BDP1: variants seen among roughly 807,000 people sequenced by gnomAD.
BDP1 encodes the protein BDP1 general transcription factor IIIB subunit.
In BDP1, 169 loss-of-function variants were observed where a neutral mutation model predicts 266.6. That is an observed-to-expected ratio of 0.63 (90% CI 0.56 to 0.72). The LOEUF is 0.72. BDP1 is among the 30% of genes least tolerant of loss of function. BDP1 has a pLI of 0.00. For synonymous variants in BDP1, 1,090 were observed against 1,022.4 expected, an observed-to-expected ratio of 1.07 and a Z score of -1.26; for missense variants, 3,015 against 3,053.8, an observed-to-expected ratio of 0.99 and a Z score of 0.30.
intron 7 of BDP1, among the ~76,000 whole-genome samples, chr5:71,480,808 C>G (rs988813008): frequency 6.6e-6 from 1 of 152,152 alleles, no homozygotes; most frequent in South Asian, 2.1e-4. Context: ...AAGTGATCCA[C>G]TCACCTCAGC....
intron 14 of BDP1, 114 bp from the exon 15 acceptor site, chr5:71,502,483 CTT>C: frequency 9.8e-7 from 1 of 1,017,572 alleles, no homozygotes; most frequent in Non-Finnish European, 1.4e-6. Context: ...CGGATTATGT[CTT>C]TTCAGGAAAC....
At chr5:71,466,980 T>C (rs763932424) in intron 5 of BDP1, among the ~76,000 whole-genome samples, 4 of 152,196 alleles carry the variant, frequency 2.6e-5, no homozygotes, top group Non-Finnish European at 5.9e-5. Flanking sequence ...TCTGCAGGAA[T>C]GTAAAATATA....
intron 7 of BDP1, among the ~76,000 whole-genome samples, chr5:71,472,575 T>C (rs1277860633): frequency 6.6e-6 from 1 of 152,212 alleles, no homozygotes; most frequent in African/African-American, 2.4e-5. Context: ...ATTCTTTTTC[T>C]GTGTTGCTCT....
chr5:71,545,272 A>G (rs747516572), intron 32 of BDP1, 53 bp downstream of exon 32: 1 of 1,371,220 alleles, frequency 7.3e-7, no homozygotes, highest in Admixed American at 2.3e-5. Context: ...CCTCCATTTA[A>G]AAAAAAAAAG....
chr5:71,469,326 A>G (rs1762096158), intron 6 of BDP1, among the ~76,000 whole-genome samples: 1 of 151,600 alleles, frequency 6.6e-6, no homozygotes, highest in Non-Finnish European at 1.5e-5. Context: ...TTTAGTAGAG[A>G]CGGGGTTTCA....
At chr5:71,526,681 C>T (rs1169659710) in intron 25 of BDP1, among the ~76,000 whole-genome samples, 1 of 140,756 alleles carries the variant, frequency 7.1e-6, no homozygotes, top group Non-Finnish European at 1.5e-5. Flanking sequence ...CTATCTCTCT[C>T]TCTGTTTTTT....
rs538294847 is a variant in BDP1 at position 71,486,618 on chromosome 5, A to T, written c.1204A>T (p.Asn402Tyr). The T allele has an allele frequency of 2.0e-6, 3 of 1,524,764 alleles. No individual in the cohort carries two copies. The highest frequency in any genetic ancestry group is 2.9e-5 in the African/African-American group (2 of 69,128). 94.5% of individuals were successfully genotyped at this position (1,524,764 alleles called of 1,614,324 possible). A position where few individuals can be genotyped will look rare whatever the true frequency, so the allele number is the denominator to read the frequency against. Residue 402 changes from asparagine (N) to tyrosine (Y), a missense_variant, in exon 9 of 39, where the codon AAT (asparagine) becomes TAT (tyrosine). Asn to Tyr is a moderately radical substitution (Grantham distance 143). Coordinates refer to ENST00000358731, the MANE Select transcript of BDP1 (RefSeq NM_018429.3). ...GAAGAAATCCACCAAACCACGGAAA[A>T]ATGTAAAAGGTATTGATTTTAAAAG... ...KEKKSTKPRK[N>Y]VKVKKVACEG...
chr5:71,534,737 G>A (rs1024261125), intron 26 of BDP1, among the ~76,000 whole-genome samples: 4 of 152,058 alleles, frequency 2.6e-5, no homozygotes, highest in African/African-American at 9.7e-5. Flanking sequence ...TGTCTCCCTG[G>A]TTCAAGCAAT....
chr5:71,497,350 G>A lies in BDP1; in HGVS notation c.1880G>A (p.Gly627Glu), dbSNP rs757504692. The A allele has an allele frequency of 6.2e-7, 1 of 1,613,806 alleles. No homozygotes were observed. Residue 627 changes from glycine to glutamate, a missense_variant, in exon 13 of 39, where the codon GGG becomes GAG. Coordinates refer to ENST00000358731, the MANE Select transcript of BDP1 (RefSeq NM_018429.3). ...QRPKPNLSRAGKKSVLSQGKT... is the reference protein window; with the variant it reads ...QRPKPNLSRAEKKSVLSQGKT... ...CCTAAACCCAATTTGTCAAGGGCTG[G>A]GAAGAAATCAGTTCTTTCACAAGGC... is the stretch of plus-strand genomic sequence containing the variant.
Position 71,539,575 on chromosome 5 carries a change from C to T in BDP1, c.5948C>T (p.Thr1983Ile). ...QDEPGTNDGS[T>I]EAAITLLTMG... ...TCACAAGGTACCAATGATGGAAGCA[C>T]CGAAGCTGCAATAACTTTACTTACA... Residue 1983 changes from threonine to isoleucine, a missense_variant, in exon 28 of 39, where the codon ACC becomes ATC. Thr to Ile is a moderately conservative substitution (Grantham distance 89). Transcript: ENST00000358731. 1 of 1,609,342 alleles carries T rather than the reference C, an allele frequency of 6.2e-7. No individual in the cohort carries two copies. Among genetic ancestry groups the T allele is most frequent in the South Asian group, 1.1e-5 (1 of 90,864 alleles).
At chr5:71,506,008 G>A (rs1366419610) in intron 16 of BDP1, among the ~76,000 whole-genome samples, 3 of 152,030 alleles carry the variant, frequency 2.0e-5, no homozygotes, top group Non-Finnish European at 4.4e-5. Flanking sequence ...CCCACTGCCC[G>A]GATTATTTTA....
At chr5:71,456,846 C>T (rs1761220775) in intron 1 of BDP1, among the ~76,000 whole-genome samples, 1 of 152,180 alleles carries the variant, frequency 6.6e-6, no homozygotes, top group Admixed American at 6.5e-5. Flanking sequence ...CTAAGATGGT[C>T]TCTGTTTCTA....
rs578228211 is a variant in BDP1, at chr5:71,460,583, C to G, written c.490-1234C>G. Among the ~76,000 whole-genome samples, 12 of 152,172 alleles carry G rather than the reference C, an allele frequency of 7.9e-5. No homozygotes were observed. The South Asian group carries it at 2.5e-3, about 32-fold the overall frequency. ...TATCACTGTTTCACACAGGAGAAAACAAGCTTTCAATTTATGTCTTCTAAA... is the reference window on the plus strand; with the variant it reads ...TATCACTGTTTCACACAGGAGAAAAGAAGCTTTCAATTTATGTCTTCTAAA... On this transcript the variant is annotated intron_variant, in intron 2 of 38. Coordinates refer to ENST00000358731, the MANE Select transcript of BDP1 (RefSeq NM_018429.3).
chr5:71,496,254 AAAAG>A (rs963301415), intron 12 of BDP1, among the ~76,000 whole-genome samples: 4 of 151,534 alleles, frequency 2.6e-5, no homozygotes, highest in Non-Finnish European at 5.9e-5. Context: ...AAAAAAAAAA[AAAAG>A]AAAGCTATTC....
In BDP1 at chr5:71,489,667, G is replaced by A; in HGVS notation, c.1477G>A (p.Gly493Arg). 6.2e-7 allele frequency: 1 copy of A among 1,603,822 alleles called. No individual in the cohort carries two copies. Among genetic ancestry groups the A allele is most frequent in the Non-Finnish European group, 8.5e-7 (1 of 1,177,354 alleles). The stretch of plus-strand genomic sequence containing the variant: ...CACTGTTCAGGCGGGTCCTTCTAAA[G>A]GAGAAAAACACAAGAGTAAGTTTCT... ...NATVQAGPSK[G>R]EKHKNKCQAI... The change falls in exon 10 of 39, where the codon GGA becomes AGA. Residue 493 changes from glycine (G) to arginine (R), a missense_variant. Physicochemically the swap from Gly to Arg is moderately radical, Grantham distance 125. This residue lies in a region of BDP1 where 2,383 missense variants were observed against 2,404.9 expected (regional missense o/e 0.99). Coordinates refer to ENST00000358731, the MANE Select transcript of BDP1 (RefSeq NM_018429.3).
At chr5:71,506,758 T>TA (rs1449143107) in intron 16 of BDP1, among the ~76,000 whole-genome samples, 1 of 135,854 alleles carries the variant, frequency 7.4e-6, no homozygotes, top group South Asian at 2.4e-4. Context: ...GTTTGGAGGT[T>TA]TATATATATA....
At chr5:71,471,862 G>T (rs1762272793) in intron 7 of BDP1, among the ~76,000 whole-genome samples, 1 of 152,146 alleles carries the variant, frequency 6.6e-6, no homozygotes, top group Admixed American at 6.5e-5. Context: ...ACTAAATTAG[G>T]CATGGATTGT....
chr5:71,555,521 C>G (rs1327105547), intron 35 of BDP1, among the ~76,000 whole-genome samples: 4 of 151,624 alleles, frequency 2.6e-5, no homozygotes. Context: ...CTCACTGCAA[C>G]CTCCACCTCC....
chr5:71,506,831 T>C (rs574732245), intron 16 of BDP1, among the ~76,000 whole-genome samples: 6 of 128,186 alleles, frequency 4.7e-5, no homozygotes, highest in Non-Finnish European at 1.0e-4. Flanking sequence ...ACACCCATAT[T>C]TTTTTAAAGA....
Sources: gnomAD v4.1 joint callset for allele counts (sites outside exome capture counted in the v4.1 genomes callset) on GRCh38, gnomAD v4.1.1 for gene constraint, gnomAD v4.1.1 regional missense constraint, MANE v1.5 for transcripts, NCBI Gene and HGNC (gene_info 2026-07-23, HGNC 2026-07-21) for gene names.